ZSWIM4: variants seen among roughly 807,000 people sequenced by gnomAD.
ZSWIM4 encodes zinc finger SWIM-type containing 4.
A neutral mutation model predicts 102.5 loss-of-function variants in ZSWIM4; 62 were observed. The observed-to-expected ratio is 0.60, with a 90% CI of 0.49 to 0.75. ZSWIM4 has a LOEUF of 0.75. Among genes scored for constraint, ZSWIM4 ranks in the 30% least tolerant of loss-of-function variants. ZSWIM4 has a pLI of 0.00. For missense variants in ZSWIM4, 1,280 were observed against 1,529.6 expected (o/e 0.84, Z 2.72); for synonymous variants, 652 against 674.5 (o/e 0.97, Z 0.52).
intron 9 of ZSWIM4, among the ~76,000 whole-genome samples, chr19:13,819,155 C>T (rs1599607143): frequency 1.3e-5 from 2 of 152,150 alleles, no homozygotes; most frequent in South Asian, 4.1e-4. Flanking sequence ...TGAGCCACCG[C>T]GCCAGGCCTC....
At chr19:13,812,217 T>C (rs910847516) in intron 5 of ZSWIM4, among the ~76,000 whole-genome samples, 1 of 152,218 alleles carries the variant, frequency 6.6e-6, no homozygotes, top group African/African-American at 2.4e-5. Context: ...GAGATGGTGA[T>C]AAATGCTACC....
chr19:13,796,204 C>G (rs1312062345), intron 1 of ZSWIM4, among the ~76,000 whole-genome samples: 9 of 150,564 alleles, frequency 6.0e-5, no homozygotes, highest in Admixed American at 2.6e-4. Flanking sequence ...CCCTCTTTTC[C>G]CACCTTATCC....
intron 12 of ZSWIM4, among the ~76,000 whole-genome samples, chr19:13,826,189 G>C (rs1382019456): frequency 6.6e-6 from 1 of 152,130 alleles, no homozygotes; most frequent in African/African-American, 2.4e-5. Context: ...TGAGGTCTAG[G>C]GGAGAGTTGT....
intron 2 of ZSWIM4, among the ~76,000 whole-genome samples, chr19:13,804,516 G>A (rs1451340871): frequency 1.3e-5 from 2 of 151,006 alleles, no homozygotes; most frequent in East Asian, 1.9e-4. Context: ...GCATGGTGGT[G>A]TGTGCCTGTA....
intron 12 of ZSWIM4, among the ~76,000 whole-genome samples, chr19:13,827,436 C>T (rs1226950723): frequency 6.7e-6 from 1 of 148,736 alleles, no homozygotes; most frequent in Non-Finnish European, 1.5e-5. Context: ...ACCCGTCTCT[C>T]CCAAAAATCA....
intron 10 of ZSWIM4, among the ~76,000 whole-genome samples, chr19:13,822,214 G>A (rs184261644): frequency 5.2e-4 from 79 of 150,632 alleles, no homozygotes; most frequent in African/African-American, 1.5e-3. Context: ...ACAGTTTGGA[G>A]TGTTTTTCCA....
intron 12 of ZSWIM4, among the ~76,000 whole-genome samples, chr19:13,827,945 T>C (rs1171666850): frequency 6.6e-6 from 1 of 152,088 alleles, no homozygotes; most frequent in Non-Finnish European, 1.5e-5. Context: ...GACAGGTTGG[T>C]TTGTTCCGGC....
At chr19:13,816,627 T>C (rs1366038140) in intron 7 of ZSWIM4, among the ~76,000 whole-genome samples, 1 of 151,614 alleles carries the variant, frequency 6.6e-6, no homozygotes, top group East Asian at 1.9e-4. Flanking sequence ...CAAAACTCCA[T>C]CTCAGAAAAA....
Position 13,825,580 on chromosome 19 carries a change from G to A in ZSWIM4, c.2246G>A (p.Gly749Asp), listed in dbSNP as rs1975583952. The stretch of plus-strand genomic sequence containing the variant: ...CCCAAGTGGCTGCACACGGTACTGG[G>A]CTCCATCCAGCAGAACATCCACTCT... The part of the protein sequence containing the change: ...GDPKWLHTVL[G>D]SIQQNIHSPA... The change falls in exon 12 of 14, where the codon GGC becomes GAC. Residue 749 changes from glycine to aspartate, a missense_variant. Coordinates refer to ENST00000590508, the MANE Select transcript of ZSWIM4 (RefSeq NM_001367834.3). The surrounding 1 kb of genome is among the most constrained non-coding windows in gnomAD (Gnocchi z 4.6). The A allele has an allele frequency of 1.2e-6, 2 of 1,614,176 alleles. No homozygotes were observed. Among genetic ancestry groups the A allele is most frequent in the Non-Finnish European group, 1.7e-6 (2 of 1,180,030 alleles).
At chr19:13,799,059 A>C (rs1599576417) in intron 1 of ZSWIM4, among the ~76,000 whole-genome samples, 1 of 151,396 alleles carries the variant, frequency 6.6e-6, no homozygotes, top group African/African-American at 2.4e-5. Context: ...AAAATGCTAG[A>C]ATTGCAGGCA....
At chr19:13,821,411 A>G (rs1045211312) in intron 10 of ZSWIM4, among the ~76,000 whole-genome samples, 4 of 152,038 alleles carry the variant, frequency 2.6e-5, no homozygotes, top group African/African-American at 9.7e-5. Context: ...GTACACATCT[A>G]TGGTCCTAGC....
intron 10 of ZSWIM4, among the ~76,000 whole-genome samples, chr19:13,820,782 C>T (rs546999174): frequency 6.6e-6 from 1 of 152,068 alleles, no homozygotes; most frequent in Non-Finnish European, 1.5e-5. Flanking sequence ...GCACCTTTTT[C>T]TCACTGAGCT....
chr19:13,801,687 T>G (rs1475872082), intron 2 of ZSWIM4, among the ~76,000 whole-genome samples: 1 of 145,896 alleles, frequency 6.9e-6, no homozygotes, highest in South Asian at 2.1e-4. Flanking sequence ...TTTTTTTTTT[T>G]CCGAGATGGA....
chr19:13,813,435 T>C (rs1299492575), intron 6 of ZSWIM4, among the ~76,000 whole-genome samples: 1 of 152,018 alleles, frequency 6.6e-6, no homozygotes, highest in Non-Finnish European at 1.5e-5. Flanking sequence ...CTTGGCCTTC[T>C]GCTAGCTATG....
Position 13,819,497 on chromosome 19 carries a change from G to C in ZSWIM4, c.2060+5G>C. The C allele has an allele frequency of 6.3e-7, 1 of 1,591,180 alleles. No homozygotes were observed. The highest frequency in any genetic ancestry group is 8.6e-7 in the Non-Finnish European group (1 of 1,168,840). On this transcript the variant is annotated splice_donor_5th_base_variant and intron_variant, in intron 10 of 13. Coordinates refer to ENST00000590508, the MANE Select transcript of ZSWIM4 (RefSeq NM_001367834.3). ...CCTCGCGCTGCGAGCTATGAGGTGA[G>C]GATAGGTGGCCAAGGCAGTGGCAGG...
intron 2 of ZSWIM4, among the ~76,000 whole-genome samples, chr19:13,803,878 T>C (rs1240126216): frequency 4.0e-5 from 6 of 151,172 alleles, no homozygotes; most frequent in Non-Finnish European, 1.5e-5. Context: ...AAGCCTTTTT[T>C]TGAGACAGAG....
Position 13,800,065 on chromosome 19 carries a change from A to ATTTTTATTT in ZSWIM4, c.355+149_355+150insATTTTTTTT, listed in dbSNP as rs1974718654. 9.0e-6 allele frequency: 3 copies of ATTTTTATTT among 334,366 alleles called. No homozygotes were observed. The African/African-American group carries it at 1.4e-4, about 16-fold the overall frequency. 20.7% of individuals were successfully genotyped at this position (334,366 alleles called of 1,614,324 possible). On this transcript the variant is annotated intron_variant, in intron 2 of 13. Transcript: ENST00000590508. ...CGAGGCCCAGATAGGATTGTACAAGATTTTTTTTTTTTTTTTTTTTGAGAC... is the reference window on the plus strand; with the variant it reads ...CGAGGCCCAGATAGGATTGTACAAGATTTTTATTTTTTTTTTTTTTTTTTTTTTTGAGAC...
At chr19:13,813,634 G>A (rs1244713417) in intron 6 of ZSWIM4, among the ~76,000 whole-genome samples, 1 of 152,002 alleles carries the variant, frequency 6.6e-6, no homozygotes, top group African/African-American at 2.4e-5. Flanking sequence ...TTTATAGCAA[G>A]TACAGGCCAG....
At chr19:13,803,946 C>T (rs1453104211) in intron 2 of ZSWIM4, among the ~76,000 whole-genome samples, 1 of 150,740 alleles carries the variant, frequency 6.6e-6, no homozygotes, top group Non-Finnish European at 1.5e-5. Flanking sequence ...ACTGCAACCT[C>T]TGCCTCCCGG....
Sources: allele counts gnomAD v4.1 joint callset (sites outside exome capture counted in the v4.1 genomes callset), GRCh38; gene constraint gnomAD v4.1.1; non-coding constraint Gnocchi (gnomAD v3.1); transcripts MANE v1.5; gene names NCBI Gene and HGNC (gene_info 2026-07-23, HGNC 2026-07-21).